BNIP3: variants seen among roughly 807,000 people sequenced by gnomAD.
BNIP3 encodes the protein BCL2 interacting protein 3.
A neutral mutation model predicts 23.9 loss-of-function variants in BNIP3; 16 were observed. The ratio of observed to expected loss-of-function variants is 0.67; its 90% CI spans 0.45 to 1.01. The LOEUF (loss-of-function observed/expected upper bound fraction) is 1.01, where lower values mean the gene tolerates loss of function less well. Among genes scored for constraint, BNIP3 ranks in the 50% least tolerant of loss-of-function variants. The pLI is 0.00. For missense variants in BNIP3, 198 were observed against 248.7 expected (o/e 0.80, Z 1.37); for synonymous variants, 81 against 89.3 (o/e 0.91, Z 0.53).
At chr10:131,973,757 G>T in intron 2 of BNIP3, 36 bp downstream of exon 2, 1 of 1,607,066 alleles carries the variant, frequency 6.2e-7, no homozygotes, top group Non-Finnish European at 8.5e-7. Context: ...GAAGACATCG[G>T]CACTGTAACA....
chr10:131,971,365 C>A, intron 3 of BNIP3: 1 of 245,876 alleles, frequency 4.1e-6, no homozygotes, highest in Non-Finnish European at 8.0e-6. Context: ...GAAAACGGCT[C>A]AAAACAGGGA....
intron 1 of BNIP3, among the ~76,000 whole-genome samples, chr10:131,975,845 G>A (rs1434055921): frequency 2.0e-5 from 3 of 152,086 alleles, no homozygotes; most frequent in African/African-American, 7.2e-5. Flanking sequence ...CTCATGTCCT[G>A]GCCTACACGA....
rs45582535 is a variant in BNIP3, at chr10:131,971,175, G to A, written c.283-205C>T. On this transcript the variant is annotated intron_variant, in intron 3 of 5. Transcript: ENST00000368636. ...CGCACTCCCGGCTCACAGCACGCTC[G>A]CCGCCTCCAGGGACAGATCACCTCT... is the stretch of plus-strand genomic sequence containing the variant. 1,054 of 576,004 alleles carry A rather than the reference G, an allele frequency of 1.8e-3. 5 individuals carry two copies. The highest frequency in any genetic ancestry group is 0.012 in the African/African-American group (641 of 53,322). 35.7% of individuals were successfully genotyped at this position (576,004 alleles called of 1,614,324 possible). A position where few individuals can be genotyped will look rare whatever the true frequency, so the allele number is the denominator to read the frequency against.
chr10:131,977,930 G>A (rs1226530286), intron 1 of BNIP3, among the ~76,000 whole-genome samples: 3 of 152,186 alleles, frequency 2.0e-5, no homozygotes, highest in Non-Finnish European at 1.5e-5. Context: ...CTGGAGAATG[G>A]AGCGTGCTGT....
intron 1 of BNIP3, among the ~76,000 whole-genome samples, chr10:131,975,147 TC>T (rs1159835310): frequency 6.6e-6 from 1 of 152,210 alleles, no homozygotes; most frequent in Non-Finnish European, 1.5e-5. Context: ...CACATTTAGA[TC>T]CAAAATCTAC....
At chr10:131,972,937 C>T (rs1472312699) in intron 3 of BNIP3, 97 bp downstream of exon 3, 4 of 1,259,930 alleles carry the variant, frequency 3.2e-6, no homozygotes, top group East Asian at 4.8e-5. Context: ...CCTTAAAGCC[C>T]GACTTTTCTC....
At chr10:131,973,618 C>G in intron 2 of BNIP3, 175 bp downstream of exon 2, 1 of 807,444 alleles carries the variant, frequency 1.2e-6, no homozygotes, top group East Asian at 2.7e-5. Flanking sequence ...ACTGCATCCC[C>G]AAAGAGGGCG....
intron 5 of BNIP3, 44 bp from the exon 6 acceptor site, chr10:131,968,613 C>G (rs759835260): frequency 1.3e-6 from 2 of 1,522,730 alleles, no homozygotes; most frequent in Non-Finnish European, 9.1e-7. Context: ...TTGTGATTCA[C>G]AGGAGACTGT....
intron 5 of BNIP3, 84 bp from the exon 6 acceptor site, chr10:131,968,653 G>GGTTA: frequency 8.0e-7 from 1 of 1,249,894 alleles, no homozygotes; most frequent in Admixed American, 1.7e-5. Context: ...AGCTCACTGT[G>GGTTA]GTTAGAGCTT....
Position 131,981,872 on chromosome 10 carries a change from G to C in BNIP3, c.-66C>G. The C allele has an allele frequency of 7.2e-7, 1 of 1,383,136 alleles. No homozygotes were observed. The highest frequency in any genetic ancestry group is 9.3e-7 in the Non-Finnish European group (1 of 1,072,848). The allele number at this position is 1,383,136 out of a possible 1,614,324, so 85.7% of individuals were successfully genotyped here. On this transcript the variant is annotated 5_prime_UTR_variant, in exon 1 of 6. Coordinates refer to ENST00000368636, the MANE Select transcript of BNIP3 (RefSeq NM_004052.4). ...GCTGCGGGATGTGCTTCAGCTGCGG[G>C]CGGTGGGAAAGCGGAGGTCGGAGCG...
Position 131,970,255 on chromosome 10 carries a change from C to T in BNIP3, c.539+383G>A, listed in dbSNP as rs965813649. The T allele has an allele frequency of 1.8e-5, 4 of 223,408 alleles. No homozygotes were observed. The highest frequency in any genetic ancestry group is 2.6e-5 in the Non-Finnish European group (3 of 114,124). 13.8% of individuals were successfully genotyped at this position (223,408 alleles called of 1,614,324 possible). On this transcript the variant is annotated intron_variant, in intron 5 of 5. Transcript: ENST00000368636. The surrounding 1 kb of genome is among the most constrained non-coding windows in gnomAD (Gnocchi z 4.1). Reference sequence around the variant, plus strand: ...ACAGTCCTGTCTGGAGGAAGTACAGCAGGTAACTGAGACCCTCCACCTACA... The same window carrying T: ...ACAGTCCTGTCTGGAGGAAGTACAGTAGGTAACTGAGACCCTCCACCTACA...
rs149591482 is a variant in BNIP3, at chr10:131,974,905, G to A, written c.47-962C>T. On this transcript the variant is annotated intron_variant, in intron 1 of 5. Transcript: ENST00000368636. ...AAACTGAGGCTGGAACGCTGCTCCC[G>A]TTCCCTTACTGCTAAAAGTGCAATT... Among the ~76,000 whole-genome samples, 131 of 152,240 alleles carry A rather than the reference G, an allele frequency of 8.6e-4. 2 individuals carry two copies. The highest frequency in any genetic ancestry group is 3.4e-3 in the Middle Eastern group (1 of 294).
chr10:131,973,448 AC>A, intron 2 of BNIP3: 1 of 462,530 alleles, frequency 2.2e-6, no homozygotes, highest in Non-Finnish European at 3.9e-6. Flanking sequence ...CGGCCACTCT[AC>A]CTTGGAGTCA....
chr10:131,978,696 C>G (rs1478138347), intron 1 of BNIP3, among the ~76,000 whole-genome samples: 1 of 152,194 alleles, frequency 6.6e-6, no homozygotes, highest in Admixed American at 6.5e-5. Flanking sequence ...TCAGCCCACT[C>G]TGAAAGTGAC....
At chr10:131,973,979 C>G in intron 1 of BNIP3, 36 bp from the exon 2 acceptor site, 1 of 1,611,222 alleles carries the variant, frequency 6.2e-7, no homozygotes, top group South Asian at 1.1e-5. Context: ...AGATGGAATT[C>G]TCTACCCACT....
At position 131,970,246 on chromosome 10, in the gene BNIP3, GA is replaced by G. The variant is rs528200920; in HGVS notation, c.539+391del. The stretch of plus-strand genomic sequence containing the variant: ...ACTAGAACAACAGTCCTGTCTGGAG[GA>G]AGTACAGCAGGTAACTGAGACCCTC... On this transcript the variant is annotated intron_variant, in intron 5 of 5. Coordinates refer to ENST00000368636, the MANE Select transcript of BNIP3 (RefSeq NM_004052.4). This position sits in a 1 kb window ranked among gnomAD's most constrained non-coding sequence, Gnocchi z 4.1. 1.3e-3 allele frequency: 279 copies of G among 213,114 alleles called. No homozygotes were observed. Among genetic ancestry groups the G allele is most frequent in the Non-Finnish European group, 2.1e-3 (228 of 107,478 alleles). 13.2% of individuals were successfully genotyped at this position (213,114 alleles called of 1,614,324 possible).
rs967664805 is a variant in BNIP3 at position 131,976,709 on chromosome 10, C to T, written c.47-2766G>A. 6.6e-6 allele frequency among the ~76,000 whole-genome samples: 1 copy of T among 152,092 alleles called. No homozygotes were observed. The highest frequency in any genetic ancestry group is 2.4e-5 in the African/African-American group (1 of 41,404). ...ATGCTACCCGCACCTCATGGCTCCCCCATCTCCATCTCCAGTCCCCTCCCC... is the reference window on the plus strand; with the variant it reads ...ATGCTACCCGCACCTCATGGCTCCCTCATCTCCATCTCCAGTCCCCTCCCC... On this transcript the variant is annotated intron_variant, in intron 1 of 5. Transcript: ENST00000368636. This position sits in a 1 kb window ranked among gnomAD's most constrained non-coding sequence, Gnocchi z 4.3.
intron 1 of BNIP3, 110 bp from the exon 2 acceptor site, chr10:131,974,053 C>A: frequency 7.1e-7 from 1 of 1,414,394 alleles, no homozygotes; most frequent in Non-Finnish European, 9.7e-7. Flanking sequence ...GCAATGGTGC[C>A]ACACCAGGAA....
At chr10:131,972,590 G>A (rs947387414) in intron 3 of BNIP3, among the ~76,000 whole-genome samples, 1 of 152,156 alleles carries the variant, frequency 6.6e-6, no homozygotes, top group East Asian at 1.9e-4. Flanking sequence ...AGATGGCCCC[G>A]TGGGTAACTC....
Sources: allele counts gnomAD v4.1 joint callset (sites outside exome capture counted in the v4.1 genomes callset), GRCh38; gene constraint gnomAD v4.1.1; non-coding constraint Gnocchi (gnomAD v3.1); transcripts MANE v1.5; gene names NCBI Gene and HGNC (gene_info 2026-07-23, HGNC 2026-07-21).